NT5C1B: variants seen among roughly 807,000 people sequenced by gnomAD.
NT5C1B encodes 5'-nucleotidase, cytosolic IB, also known as cytosolic 5'-nucleotidase 1B.
NT5C1B carries 44 observed loss-of-function variants against 57.8 expected under a neutral mutation model. That is an observed-to-expected ratio of 0.76 (90% CI 0.60 to 0.98). The LOEUF (loss-of-function observed/expected upper bound fraction) is 0.98. NT5C1B is among the 50% of genes least tolerant of loss of function. The pLI is 0.00. For synonymous variants in NT5C1B, 284 were observed against 282.6 expected, an observed-to-expected ratio of 1.00 and a Z score of -0.05; for missense variants, 742 against 719.5, an observed-to-expected ratio of 1.03 and a Z score of -0.36.
chr2:18,573,756 A>G (rs1215683252), intron 8 of NT5C1B, among the ~76,000 whole-genome samples: 1 of 152,134 alleles, frequency 6.6e-6, no homozygotes, highest in African/African-American at 2.4e-5. Context: ...CTTTCTCATC[A>G]GTGGAACACA....
intron 6 of NT5C1B, 35 bp downstream of exon 6, chr2:18,582,833 G>T: frequency 6.2e-7 from 1 of 1,603,846 alleles, no homozygotes; most frequent in Non-Finnish European, 8.5e-7. Flanking sequence ...TCAGAGCGGA[G>T]AGCTGGTCTT....
At chr2:18,583,680 A>G (rs1460019210) in intron 5 of NT5C1B, 6 of 369,814 alleles carry the variant, frequency 1.6e-5, no homozygotes, top group Non-Finnish European at 3.2e-5. Flanking sequence ...CTAAGTGCCA[A>G]GGGCATCTTT....
chr2:18,579,992 C>A (rs1244049703), intron 6 of NT5C1B, among the ~76,000 whole-genome samples: 1 of 152,048 alleles, frequency 6.6e-6, no homozygotes, highest in African/African-American at 2.4e-5. Flanking sequence ...AGACACTTCT[C>A]AAAAGAAGAC....
Position 18,584,635 on chromosome 2 carries a change from C to A in NT5C1B, c.602G>T (p.Arg201Leu). ...CTGCTGCTGCTCGGACAGAGAGTTG[C>A]GGTCCAGCTGGGTGGAGGCGGGGTA... Residue 201 changes from arginine (R) to leucine (L), a missense_variant, in exon 4 of 9, where the codon CGC (arginine) becomes CTC (leucine). Coordinates refer to ENST00000304081, the Ensembl canonical transcript of NT5C1B. This position sits in a 1 kb window ranked among gnomAD's most constrained non-coding sequence, Gnocchi z 5.8. 4 of 1,612,794 alleles carry A rather than the reference C, an allele frequency of 2.5e-6. No homozygotes were observed. The highest frequency in any genetic ancestry group is 3.4e-6 in the Non-Finnish European group (4 of 1,179,522).
chr2:18,572,756 T>C (rs1232082313), intron 8 of NT5C1B, among the ~76,000 whole-genome samples: 1 of 152,118 alleles, frequency 6.6e-6, no homozygotes, highest in Non-Finnish European at 1.5e-5. Context: ...TTATCAACAC[T>C]AAAATTGCTT....
chr2:18,586,345 A>T, exon 3 of NT5C1B: 2 of 1,614,156 alleles, frequency 1.2e-6, no homozygotes, highest in Non-Finnish European at 1.7e-6. Flanking sequence ...ACTGCGCACA[A>T]GGTACCCTCG....
chr2:18,570,585 A>G (rs1163618525), intron 8 of NT5C1B, among the ~76,000 whole-genome samples: 1 of 152,108 alleles, frequency 6.6e-6, no homozygotes, highest in Non-Finnish European at 1.5e-5. Flanking sequence ...CTATCAAAAT[A>G]ATTGAATCAG....
At chr2:18,565,791 T>G (rs1017484951) in intron 8 of NT5C1B, among the ~76,000 whole-genome samples, 1 of 152,178 alleles carries the variant, frequency 6.6e-6, no homozygotes, top group Non-Finnish European at 1.5e-5. Flanking sequence ...TACATTAATT[T>G]GCATCTTTAT....
At chr2:18,581,888 G>C (rs1321062854) in intron 6 of NT5C1B, among the ~76,000 whole-genome samples, 6 of 152,146 alleles carry the variant, frequency 3.9e-5, no homozygotes, top group Non-Finnish European at 8.8e-5. Context: ...CATGAACAAG[G>C]CTGCATGAGA....
At position 18,583,000 on chromosome 2, in the gene NT5C1B, G is replaced by A; in HGVS notation, c.892-3C>T. On this transcript the variant is annotated splice_region_variant and splice_polypyrimidine_tract_variant and intron_variant, in intron 5 of 8. Coordinates refer to ENST00000304081, the Ensembl canonical transcript of NT5C1B. ...CTAGCATTGACATACTGTAGTGCCT[G>A]CAGGTTACAAACATGAATGTGTGTA... is the stretch of plus-strand genomic sequence containing the variant. The A allele has an allele frequency of 6.2e-7, 1 of 1,612,544 alleles. No individual in the cohort carries two copies. The highest frequency in any genetic ancestry group is 8.5e-7 in the Non-Finnish European group (1 of 1,179,242).
intron 2 of NT5C1B, chr2:18,587,215 C>T: frequency 6.4e-7 from 1 of 1,574,206 alleles, no homozygotes; most frequent in Non-Finnish European, 8.6e-7. Flanking sequence ...ATGGCCAGAC[C>T]CCCTCCCCTC....
intron 3 of NT5C1B, chr2:18,585,212 T>G (rs1368414509): frequency 2.6e-6 from 2 of 768,864 alleles, no homozygotes; most frequent in Non-Finnish European, 4.7e-6. Context: ...CCATAAGCAT[T>G]TCACACGTTT....
intron 6 of NT5C1B, 38 bp downstream of exon 6, chr2:18,582,830 G>T: frequency 4.4e-6 from 7 of 1,599,528 alleles, no homozygotes; most frequent in Non-Finnish European, 6.0e-6. Context: ...CTTTCAGAGC[G>T]GAGAGCTGGT....
At chr2:18,587,553 C>T in exon 2 of NT5C1B, 1 of 1,613,844 alleles carries the variant, frequency 6.2e-7, no homozygotes, top group Non-Finnish European at 8.5e-7. Context: ...CTTTTTTCTG[C>T]TTCTAGACTC....
At chr2:18,587,136 C>T (rs1375314868) in intron 2 of NT5C1B, 6 of 1,613,882 alleles carry the variant, frequency 3.7e-6, no homozygotes, top group East Asian at 2.2e-5. Context: ...GAAGGGGCAA[C>T]ATCTCAGCGA....
chr2:18,576,502 C>T, intron 7 of NT5C1B, 134 bp from the exon 8 acceptor site: 1 of 1,273,638 alleles, frequency 7.9e-7, no homozygotes. Flanking sequence ...CTCCTCTTCA[C>T]AACCACAGAC....
intron 3 of NT5C1B, 63 bp from the exon 4 acceptor site, chr2:18,585,041 G>T: frequency 6.3e-7 from 1 of 1,588,384 alleles, no homozygotes; most frequent in Non-Finnish European, 8.5e-7. Context: ...TCAAGGATCT[G>T]TCCCTTCTGC....
Position 18,568,087 on chromosome 2 carries a change from G to GACACACACACACACAC in NT5C1B, c.1330-3984_1330-3969dup, listed in dbSNP as rs3046807. On this transcript the variant is annotated intron_variant, in intron 8 of 8. Coordinates refer to ENST00000304081, the Ensembl canonical transcript of NT5C1B. Reference sequence around the variant, plus strand: ...AGAGCAGAGCATTGAAATGCTGTGGGACACACACACACACACACACACACA... The same window carrying GACACACACACACACAC: ...AGAGCAGAGCATTGAAATGCTGTGGGACACACACACACACACACACACACACACACACACACACACA... 7.7e-4 allele frequency among the ~76,000 whole-genome samples: 110 copies of GACACACACACACACAC among 142,704 alleles called. No individual in the cohort carries two copies. The East Asian group carries it at 7.8e-3, about 10-fold the overall frequency. The allele number at this position is 142,704 out of a possible 152,430, so 93.6% of individuals were successfully genotyped here.
chr2:18,584,928 C>G lies in NT5C1B; in HGVS notation c.309G>C (p.Leu103=), dbSNP rs1666558179. 1 of 1,545,216 alleles carries G rather than the reference C, an allele frequency of 6.5e-7. No homozygotes were observed. The highest frequency in any genetic ancestry group is 1.4e-5 in the African/African-American group (1 of 73,646). Residue 103 remains leucine (L), a synonymous_variant, in exon 4 of 9, where the codon CTG becomes CTC. Transcript: ENST00000304081. The surrounding 1 kb of genome is among the most constrained non-coding windows in gnomAD (Gnocchi z 5.8). Reference sequence around the variant, plus strand: ...ACAGCGGCGGCGGTGAGGAGTCATGCAGGCTTGGGGAGGTGGATGGAGTCC... The same window carrying G: ...ACAGCGGCGGCGGTGAGGAGTCATGGAGGCTTGGGGAGGTGGATGGAGTCC...
Sources: gnomAD v4.1 joint callset for allele counts (sites outside exome capture counted in the v4.1 genomes callset) on GRCh38, gnomAD v4.1.1 for gene constraint, Gnocchi (gnomAD v3.1) non-coding constraint, MANE v1.5 for transcripts, NCBI Gene and HGNC (gene_info 2026-07-23, HGNC 2026-07-21) for gene names.